Variants in RANBP2 observed in about 807,000 individuals in gnomAD.
The protein encoded by RANBP2 is E3 SUMO-protein ligase RanBP2.
Under a neutral mutation model 303.6 loss-of-function variants are expected in RANBP2, and 57 were observed. The ratio of observed to expected loss-of-function variants is 0.19; its 90% confidence interval spans 0.15 to 0.23. The LOEUF (loss-of-function observed/expected upper bound fraction) is 0.23. Among genes scored for constraint, RANBP2 ranks in the 10% least tolerant of loss-of-function variants. The pLI is 1.00. For synonymous variants in RANBP2, 1,167 were observed against 1,301.5 expected, an observed-to-expected ratio of 0.90 and a Z score of 2.23; for missense variants, 3,138 against 3,780.8, an observed-to-expected ratio of 0.83 and a Z score of 4.46.
chr2:109,051,512 C>T, the RANBP2 span, among the ~76,000 whole-genome samples: 137,462 of 152,218 alleles, frequency 0.9, 62,591 homozygotes, highest in East Asian at 1. Context: ...TGTGCAGAAG[C>T]ATGCAGAATG....
the RANBP2 span, chr2:109,490,622 G>T: frequency 6.9e-7 from 1 of 1,455,302 alleles, no homozygotes; most frequent in Non-Finnish European, 9.1e-7. Context: ...AGAAGAGTGG[G>T]CTCCTGAAGC....
chr2:109,297,725 G>A, the RANBP2 span, among the ~76,000 whole-genome samples: 3 of 145,398 alleles, frequency 2.1e-5, no homozygotes, highest in East Asian at 2.0e-4. Context: ...AACTGGGTCC[G>A]TGCCTCCCAC....
At chr2:109,337,681 C>T in the RANBP2 span, among the ~76,000 whole-genome samples, 3 of 151,410 alleles carry the variant, frequency 2.0e-5, no homozygotes, top group Admixed American at 1.3e-4. Context: ...CAGCATATGC[C>T]GTATGCTACC....
intron 1 of RANBP2, chr2:108,720,084 C>T (rs1694111220): frequency 3.0e-6 from 3 of 984,436 alleles, no homozygotes; most frequent in Middle Eastern, 5.2e-4. Context: ...TTATATGCTG[C>T]GGCGGAGGTC....
chr2:108,812,820 A>C, the RANBP2 span: 1 of 1,612,850 alleles, frequency 6.2e-7, no homozygotes, highest in Non-Finnish European at 8.5e-7. Flanking sequence ...ACTGTTGCAG[A>C]GGAAGTACGA....
chr2:109,220,662 A>G, the RANBP2 span, among the ~76,000 whole-genome samples: 1 of 152,248 alleles, frequency 6.6e-6, no homozygotes, highest in African/African-American at 2.4e-5. Flanking sequence ...AAGCACATGA[A>G]AAGATGCTTC....
At chr2:108,954,529 T>A in the RANBP2 span, among the ~76,000 whole-genome samples, 2 of 152,168 alleles carry the variant, frequency 1.3e-5, no homozygotes, top group Non-Finnish European at 2.9e-5. Flanking sequence ...GTGAGCCACA[T>A]GCTTTGCTCT....
the RANBP2 span, among the ~76,000 whole-genome samples, chr2:109,296,608 T>C: frequency 1.1e-4 from 16 of 152,218 alleles, no homozygotes; most frequent in Non-Finnish European, 1.8e-4. Flanking sequence ...CACCTGTGGC[T>C]TCTCAGGGAC....
the RANBP2 span, among the ~76,000 whole-genome samples, chr2:108,823,331 C>T: frequency 2.0e-5 from 3 of 152,112 alleles, no homozygotes; most frequent in Non-Finnish European, 4.4e-5. Context: ...GACAAAGACG[C>T]AATAAAAAAC....
chr2:109,234,338 T>G, the RANBP2 span, among the ~76,000 whole-genome samples: 2 of 152,196 alleles, frequency 1.3e-5, no homozygotes, highest in African/African-American at 4.8e-5. Flanking sequence ...AACTGTTTCT[T>G]TATTGCAGGA....
At chr2:109,158,330 T>C in the RANBP2 span, among the ~76,000 whole-genome samples, 4 of 152,200 alleles carry the variant, frequency 2.6e-5, no homozygotes, top group Non-Finnish European at 4.4e-5. Context: ...CTTTGGGGAC[T>C]CCCTCAACGC....
the RANBP2 span, among the ~76,000 whole-genome samples, chr2:109,477,699 C>CT: frequency 6.6e-6 from 1 of 151,900 alleles, no homozygotes; most frequent in African/African-American, 2.4e-5. Flanking sequence ...GGCTGGAAGT[C>CT]TGAGATCCAG....
At chr2:109,081,445 T>A in the RANBP2 span, among the ~76,000 whole-genome samples, 2 of 152,166 alleles carry the variant, frequency 1.3e-5, no homozygotes, top group Non-Finnish European at 2.9e-5. Flanking sequence ...TGGCCTGTTT[T>A]TTCACATGGG....
At chr2:109,726,470 G>C in the RANBP2 span, among the ~76,000 whole-genome samples, 20 of 152,112 alleles carry the variant, frequency 1.3e-4, no homozygotes, top group African/African-American at 4.8e-4. Flanking sequence ...AACTGGAGGT[G>C]ATGATGCCCC....
At chr2:109,537,898 C>T in the RANBP2 span, among the ~76,000 whole-genome samples, 272 of 152,190 alleles carry the variant, frequency 1.8e-3, no homozygotes, top group Non-Finnish European at 2.4e-3. Flanking sequence ...CAGTGAGCCA[C>T]GATTGTGCCA....
At chr2:109,444,618 G>T in the RANBP2 span, among the ~76,000 whole-genome samples, 1 of 152,210 alleles carries the variant, frequency 6.6e-6, no homozygotes, top group Non-Finnish European at 1.5e-5. Flanking sequence ...GCTCTGGCCT[G>T]AGGACTAGGA....
the RANBP2 span, among the ~76,000 whole-genome samples, chr2:109,579,255 C>T: frequency 1.5e-4 from 23 of 152,116 alleles, 1 homozygote; most frequent in Non-Finnish European, 2.2e-4. Flanking sequence ...CTGAATTGTC[C>T]TATAATCATT....
intron 21 of RANBP2, 84 bp downstream of exon 21, chr2:108,771,955 C>T (rs1677534284): frequency 2.6e-6 from 4 of 1,515,440 alleles, no homozygotes; most frequent in Admixed American, 3.4e-5. Flanking sequence ...TTTAAGCCTG[C>T]CTCTTAGAAC....
At chr2:109,678,252 T>C in the RANBP2 span, among the ~76,000 whole-genome samples, 1 of 152,230 alleles carries the variant, frequency 6.6e-6, no homozygotes. Context: ...GAGCAAAAAA[T>C]ACGGAGGATC....
Sources: allele counts gnomAD v4.1 joint callset (sites outside exome capture counted in the v4.1 genomes callset), GRCh38; gene constraint gnomAD v4.1.1; transcripts MANE v1.5; gene names NCBI Gene and HGNC (gene_info 2026-07-23, HGNC 2026-07-21).